The following KCNN2 variants were observed in gnomAD, a reference collection of about 807,000 sequenced individuals.
KCNN2 encodes the protein potassium calcium-activated channel subfamily N member 2, also known as small conductance calcium-activated potassium channel protein 2.
KCNN2 carries 24 observed loss-of-function variants against 55.5 expected under a neutral mutation model. That is an observed-to-expected ratio of 0.43 (90% confidence interval 0.31 to 0.61). KCNN2 has a LOEUF of 0.61. Among genes scored for constraint, KCNN2 ranks in the 20% least tolerant of loss-of-function variants. The pLI, the probability that KCNN2 is intolerant of heterozygous loss-of-function variation, is 0.08. For missense variants in KCNN2, 754 were observed against 853.6 expected (o/e 0.88, Z 1.45); for synonymous variants, 431 against 336.1 (o/e 1.28, Z -3.09).
At chr5:114,455,092 T>C (rs538931995) in intron 3 of KCNN2, among the ~76,000 whole-genome samples, 2 of 152,314 alleles carry the variant, frequency 1.3e-5, no homozygotes, top group East Asian at 1.9e-4. Flanking sequence ...GTTACTTCAG[T>C]GGTTCCTTTG....
chr5:114,069,105 G>A (rs567896238), intron 1 of KCNN2, among the ~76,000 whole-genome samples: 5 of 152,188 alleles, frequency 3.3e-5, no homozygotes, highest in South Asian at 4.2e-4. Context: ...GTGAGCCACC[G>A]CACCCTGCCA....
intron 1 of KCNN2, among the ~76,000 whole-genome samples, chr5:114,212,239 A>G (rs961629041): frequency 1.3e-5 from 2 of 152,056 alleles, no homozygotes; most frequent in Non-Finnish European, 2.9e-5. Context: ...ATTGATACAT[A>G]CAGTAGTACT....
intron 7 of KCNN2, among the ~76,000 whole-genome samples, chr5:114,494,133 A>AT (rs539351137): frequency 1.7e-3 from 259 of 152,178 alleles, no homozygotes; most frequent in African/African-American, 5.5e-3. Context: ...ATATTTGTCA[A>AT]TAATCAAAAC....
At chr5:114,394,156 A>G (rs1296611644) in intron 2 of KCNN2, among the ~76,000 whole-genome samples, 1 of 152,288 alleles carries the variant, frequency 6.6e-6, no homozygotes, top group Admixed American at 6.5e-5. Context: ...CATACATTCA[A>G]TGGTATTAAC....
intron 1 of KCNN2, among the ~76,000 whole-genome samples, chr5:114,143,093 A>G (rs1029251773): frequency 3.9e-5 from 6 of 152,136 alleles, no homozygotes; most frequent in Non-Finnish European, 5.9e-5. Flanking sequence ...TTCTGGTCCC[A>G]AGATGCTGCC....
intron 2 of KCNN2, among the ~76,000 whole-genome samples, chr5:114,266,513 G>T (rs1453469625): frequency 3.3e-5 from 5 of 152,136 alleles, no homozygotes; most frequent in African/African-American, 1.2e-4. Flanking sequence ...AGATTGCCAG[G>T]ACTGCATTGT....
intron 5 of KCNN2, among the ~76,000 whole-genome samples, chr5:114,486,440 T>C (rs1262067670): frequency 1.3e-5 from 2 of 152,210 alleles, no homozygotes; most frequent in African/African-American, 4.8e-5. Flanking sequence ...GCTTTCACCC[T>C]TCTCATTTGT....
At chr5:114,447,037 A>G (rs1302509595) in intron 3 of KCNN2, among the ~76,000 whole-genome samples, 1 of 152,230 alleles carries the variant, frequency 6.6e-6, no homozygotes, top group East Asian at 1.9e-4. Context: ...CACAGCACAG[A>G]TATTGAATAT....
At chr5:114,404,977 A>G in intron 3 of KCNN2, 121 bp downstream of exon 3, 1 of 783,668 alleles carries the variant, frequency 1.3e-6, no homozygotes, top group Non-Finnish European at 2.0e-6. Flanking sequence ...GGATTTTCTG[A>G]CAGGCTTCTT....
chr5:114,480,484 G>A (rs529709226), intron 5 of KCNN2, among the ~76,000 whole-genome samples: 3 of 152,230 alleles, frequency 2.0e-5, no homozygotes, highest in African/African-American at 2.4e-5. Flanking sequence ...TCACAAAGGA[G>A]GGACTGCTCC....
rs184591295 is a variant in KCNN2 at position 114,107,290 on chromosome 5, C to A, written c.-271+50790C>A. On this transcript the variant is annotated intron_variant, in intron 1 of 10. Coordinates refer to the KCNN2 transcript ENST00000512097. Reference sequence around the variant, plus strand: ...AGCCAGTACCATAGTGTTTTTTTTACTATATTTTTACAATAAGCTTGGTAT... The same window carrying A: ...AGCCAGTACCATAGTGTTTTTTTTAATATATTTTTACAATAAGCTTGGTAT... Among the ~76,000 whole-genome samples, 180 of 151,508 alleles carry A rather than the reference C, an allele frequency of 1.2e-3. 5 individuals carry two copies. The East Asian group carries it at 0.033, about 28-fold the overall frequency.
intron 1 of KCNN2, among the ~76,000 whole-genome samples, chr5:114,092,999 C>G (rs1426003552): frequency 6.6e-6 from 1 of 152,198 alleles, no homozygotes; most frequent in Non-Finnish European, 1.5e-5. Context: ...GTTACTTATG[C>G]AAATTTCTGC....
chr5:114,213,075 C>T (rs968460795), intron 1 of KCNN2, among the ~76,000 whole-genome samples: 4 of 151,892 alleles, frequency 2.6e-5, no homozygotes, highest in African/African-American at 9.7e-5. Context: ...TTTGAGACCA[C>T]GAAACCAATG....
chr5:114,368,494 G>A (rs7356785), intron 2 of KCNN2, among the ~76,000 whole-genome samples: 21 of 152,192 alleles, frequency 1.4e-4, no homozygotes, highest in African/African-American at 5.1e-4. Flanking sequence ...GGGAGGGGTG[G>A]TCCCTGTCTA....
intron 1 of KCNN2, among the ~76,000 whole-genome samples, chr5:114,171,548 A>T (rs527981806): frequency 6.6e-6 from 1 of 151,920 alleles, no homozygotes; most frequent in Non-Finnish European, 1.5e-5. Flanking sequence ...GACCCACAGT[A>T]TATGTTTAGG....
At chr5:114,162,221 G>C (rs529190705) in intron 1 of KCNN2, among the ~76,000 whole-genome samples, 1 of 152,210 alleles carries the variant, frequency 6.6e-6, no homozygotes, top group Non-Finnish European at 1.5e-5. Context: ...CCTTCTGACA[G>C]TCAGGACCCT....
intron 2 of KCNN2, among the ~76,000 whole-genome samples, chr5:114,341,686 A>T (rs1428291852): frequency 6.6e-6 from 1 of 152,188 alleles, no homozygotes. Context: ...AAAATAAAAA[A>T]GACATTTCTA....
At chr5:114,272,518 A>G (rs1755376089) in intron 2 of KCNN2, among the ~76,000 whole-genome samples, 1 of 152,134 alleles carries the variant, frequency 6.6e-6, no homozygotes, top group African/African-American at 2.4e-5. Context: ...ATGTACACAC[A>G]CAAACTCACA....
At position 114,242,131 on chromosome 5, in the gene KCNN2, T is replaced by G. The variant is rs1241941955; in HGVS notation, c.-185+20566T>G. On this transcript the variant is annotated intron_variant, in intron 2 of 10. Coordinates refer to the KCNN2 transcript ENST00000512097. ...ATCCTGAGCTTAGGGACCCTAAAATTTTTATAATGGACAATAAGCATGCCT... is the reference window on the plus strand; with the variant it reads ...ATCCTGAGCTTAGGGACCCTAAAATGTTTATAATGGACAATAAGCATGCCT... Among the ~76,000 whole-genome samples the G allele has an allele frequency of 2.0e-5, 3 of 151,406 alleles. No homozygotes were observed. The East Asian group carries it at 5.9e-4, about 30-fold the overall frequency.
Sources: allele counts gnomAD v4.1 joint callset (sites outside exome capture counted in the v4.1 genomes callset), GRCh38; gene constraint gnomAD v4.1.1; transcripts MANE v1.5; gene names NCBI Gene and HGNC (gene_info 2026-07-23, HGNC 2026-07-21).